SDK1: variants seen among roughly 807,000 people sequenced by gnomAD.
The protein encoded by SDK1 is sidekick cell adhesion molecule 1.
A neutral mutation model predicts 245.5 loss-of-function variants in SDK1; 157 were observed. The observed-to-expected ratio is 0.64, with a 90% CI of 0.56 to 0.73. SDK1 has a LOEUF of 0.73. Among genes scored for constraint, SDK1 ranks in the 30% least tolerant of loss-of-function variants. The pLI, the probability that SDK1 is intolerant of heterozygous loss-of-function variation, is 0.00. For synonymous variants in SDK1, 1,647 were observed against 1,278.5 expected (o/e 1.29, Z -6.15); for missense variants, 3,583 against 3,002.3 (o/e 1.19, Z -4.52).
chr7:3,773,825 C>A (rs765028831), intron 4 of SDK1, among the ~76,000 whole-genome samples: 2 of 152,192 alleles, frequency 1.3e-5, no homozygotes, highest in Non-Finnish European at 2.9e-5. Flanking sequence ...CAGGCACTTC[C>A]TAATTTTCCT....
chr7:4,018,080 A>C (rs1191697025), intron 17 of SDK1, among the ~76,000 whole-genome samples: 1 of 152,248 alleles, frequency 6.6e-6, no homozygotes, highest in Non-Finnish European at 1.5e-5. Context: ...AGGAATAAAC[A>C]GACCCTCTCC....
At chr7:3,396,673 C>T (rs1165190197) in intron 1 of SDK1, among the ~76,000 whole-genome samples, 3 of 151,432 alleles carry the variant, frequency 2.0e-5, no homozygotes, top group African/African-American at 7.3e-5. Context: ...ATATAGCTGT[C>T]CTCTGATTAC....
intron 1 of SDK1, among the ~76,000 whole-genome samples, chr7:3,479,488 T>C (rs7804059): frequency 0.17 from 25,392 of 149,208 alleles, 2,393 homozygotes; most frequent in African/African-American, 0.25. Context: ...TCTAAAAATA[T>C]CTGTTAATCA....
rs562915820 is a variant in SDK1 at position 4,191,513 on chromosome 7, C to G, written c.5098+12927C>G. On this transcript the variant is annotated intron_variant, in intron 35 of 44. Transcript: ENST00000404826. ...TCTGGGATCCCTCCAGGTCGCCACG[C>G]TGGCAGCCAGTGGAGGCCTTTCTTC... is the stretch of plus-strand genomic sequence containing the variant. Among the ~76,000 whole-genome samples the G allele has an allele frequency of 9.2e-5, 14 of 152,382 alleles. No individual in the cohort carries two copies. The South Asian group carries it at 2.7e-3, about 29-fold the overall frequency.
rs1314769919 is a variant in SDK1, at chr7:3,512,504, C to T, written c.299-106576C>T. On this transcript the variant is annotated intron_variant, in intron 1 of 44. Coordinates refer to ENST00000404826, the MANE Select transcript of SDK1 (RefSeq NM_152744.4). Reference sequence around the variant, plus strand: ...ACCAAGGAGTGTGGATCATATGGTACGGGTATGTTTCGTTTTGTAAGAAGC... The same window carrying T: ...ACCAAGGAGTGTGGATCATATGGTATGGGTATGTTTCGTTTTGTAAGAAGC... Among the ~76,000 whole-genome samples the T allele has an allele frequency of 5.3e-5, 8 of 152,240 alleles. No individual in the cohort carries two copies. In the South Asian group the frequency reaches 1.2e-3, roughly 24 times the overall value.
At chr7:3,942,818 C>T (rs184036939) in intron 5 of SDK1, among the ~76,000 whole-genome samples, 4 of 152,256 alleles carry the variant, frequency 2.6e-5, no homozygotes, top group East Asian at 3.9e-4. Flanking sequence ...CGGTTTTTCT[C>T]GTAACAAAGC....
chr7:3,990,751 T>C (rs1481203021), intron 14 of SDK1, among the ~76,000 whole-genome samples: 12 of 152,216 alleles, frequency 7.9e-5, no homozygotes, highest in Admixed American at 7.9e-4. Context: ...GGAGTCCTCT[T>C]GTGATGCACT....
chr7:4,107,694 C>T (rs966321094), intron 22 of SDK1, among the ~76,000 whole-genome samples: 11 of 152,094 alleles, frequency 7.2e-5, no homozygotes, highest in Admixed American at 7.2e-4. Flanking sequence ...GGGGCTTGGT[C>T]CTCCGCACTC....
chr7:3,679,947 C>G (rs1181952957), intron 4 of SDK1, among the ~76,000 whole-genome samples: 4 of 152,112 alleles, frequency 2.6e-5, no homozygotes, highest in Non-Finnish European at 5.9e-5. Flanking sequence ...CACAAAAATG[C>G]ACACGCAAAT....
chr7:4,239,820 C>G (rs949918266), intron 42 of SDK1, among the ~76,000 whole-genome samples: 2 of 152,166 alleles, frequency 1.3e-5, no homozygotes, highest in African/African-American at 4.8e-5. Flanking sequence ...TGGGTCTTCT[C>G]TTTTTGGAAA....
chr7:3,443,480 T>G (rs951028971), intron 1 of SDK1, among the ~76,000 whole-genome samples: 1 of 152,180 alleles, frequency 6.6e-6, no homozygotes, highest in African/African-American at 2.4e-5. Flanking sequence ...CCTGAATATT[T>G]TCCAGCTTGT....
intron 4 of SDK1, among the ~76,000 whole-genome samples, chr7:3,777,091 C>T (rs781415488): frequency 6.6e-6 from 1 of 152,174 alleles, no homozygotes; most frequent in Non-Finnish European, 1.5e-5. Context: ...GTAACTCATT[C>T]TTTCTGATTT....
intron 1 of SDK1, among the ~76,000 whole-genome samples, chr7:3,531,135 C>G (rs893213942): frequency 6.6e-6 from 1 of 152,106 alleles, no homozygotes; most frequent in Non-Finnish European, 1.5e-5. Flanking sequence ...TGGACATGTT[C>G]CTGATTGTCA....
At chr7:3,423,126 C>A (rs1445835518) in intron 1 of SDK1, among the ~76,000 whole-genome samples, 1 of 152,094 alleles carries the variant, frequency 6.6e-6, no homozygotes, top group Non-Finnish European at 1.5e-5. Flanking sequence ...TATTGTAAAT[C>A]CAGGTTGTAA....
At chr7:3,874,083 T>C (rs1179419035) in intron 5 of SDK1, among the ~76,000 whole-genome samples, 2 of 152,222 alleles carry the variant, frequency 1.3e-5, no homozygotes, top group Non-Finnish European at 2.9e-5. Context: ...TTTTGTGTGG[T>C]TGGAGATGAG....
chr7:4,203,388 G>A lies in SDK1; in HGVS notation c.5099-2491G>A, dbSNP rs535801170. On this transcript the variant is annotated intron_variant, in intron 35 of 44. Coordinates refer to ENST00000404826, the MANE Select transcript of SDK1 (RefSeq NM_152744.4). ...AGTCACTCAGCTCTGCGATGGCATC[G>A]TAGCCTTAGCGTGAGACCCCAGAGA... Among the ~76,000 whole-genome samples, 6 of 152,282 alleles carry A rather than the reference G, an allele frequency of 3.9e-5. 1 individual carries two copies. The highest frequency in any genetic ancestry group is 1.2e-4 in the African/African-American group (5 of 41,556).
At chr7:4,044,174 G>A (rs762725225) in intron 17 of SDK1, among the ~76,000 whole-genome samples, 2 of 152,184 alleles carry the variant, frequency 1.3e-5, no homozygotes, top group East Asian at 3.9e-4. Flanking sequence ...AGATGGCTTC[G>A]TGCACACGTT....
chr7:4,086,678 G>T (rs1466845404), intron 22 of SDK1, among the ~76,000 whole-genome samples: 1 of 151,856 alleles, frequency 6.6e-6, no homozygotes, highest in Non-Finnish European at 1.5e-5. Flanking sequence ...CACTTTTAAG[G>T]ACTCCTGATT....
intron 1 of SDK1, among the ~76,000 whole-genome samples, chr7:3,482,778 C>T (rs1289521695): frequency 6.6e-6 from 1 of 152,178 alleles, no homozygotes; most frequent in Non-Finnish European, 1.5e-5. Context: ...CAAGGCATTA[C>T]TGAAGGCAAC....
Sources: allele counts gnomAD v4.1 joint callset (sites outside exome capture counted in the v4.1 genomes callset), GRCh38; gene constraint gnomAD v4.1.1; transcripts MANE v1.5; gene names NCBI Gene and HGNC (gene_info 2026-07-23, HGNC 2026-07-21).